Variants in TTN observed in about 807,000 individuals in gnomAD.
TTN encodes connectin.
TTN carries 1,525 observed loss-of-function variants against 3,223.0 expected under a neutral mutation model. The ratio of observed to expected loss-of-function variants is 0.47; its 90% CI spans 0.45 to 0.49. The LOEUF is 0.49. Ranked by LOEUF, TTN falls within the 20% of genes least tolerant of loss-of-function variation. The probability of loss-of-function intolerance (pLI) is 0.00; values close to 1 mark genes in which losing one functional copy is unlikely to be tolerated. For synonymous variants in TTN, 14,094 were observed against 15,161.0 expected, an observed-to-expected ratio of 0.93 and a Z score of 5.17; for missense variants, 40,786 against 43,424.0, an observed-to-expected ratio of 0.94 and a Z score of 5.40.
intron 241 of TTN, among the ~76,000 whole-genome samples, chr2:178,624,936 A>G (rs1001297501): frequency 6.6e-6 from 1 of 152,120 alleles, no homozygotes; most frequent in South Asian, 2.1e-4. Context: ...TTTAAAAACT[A>G]GGAAACATTA....
Position 178,575,960 on chromosome 2 carries a change from A to T in TTN, c.70172T>A (p.Ile23391Asn). The change falls in exon 326 of 363, where the codon ATT becomes AAT. Residue 23391 changes from isoleucine (I) to asparagine (N), a missense_variant. Ile to Asn is a moderately radical substitution (Grantham distance 149). Transcript: ENST00000589042. This position sits in a 1 kb window ranked among gnomAD's most constrained non-coding sequence, Gnocchi z 4.0. Reference sequence around the variant, plus strand: ...AAGAGTAAATGATTCCGTATTTTCAATGTTGGCTCGGTTTTTCAGGTTGAT... The same window carrying T: ...AAGAGTAAATGATTCCGTATTTTCATTGTTGGCTCGGTTTTTCAGGTTGAT... ...DNINLKNRAN[I>N]ENTESFTLLI... 6.2e-7 allele frequency: 1 copy of T among 1,611,512 alleles called. No individual in the cohort carries two copies. Among genetic ancestry groups the T allele is most frequent in the Non-Finnish European group, 8.5e-7 (1 of 1,177,900 alleles).
rs755728462 is a variant in TTN, at chr2:178,779,415, T to C, written c.3777A>G (p.Glu1259=). 3.2e-6 allele frequency: 5 copies of C among 1,577,324 alleles called. No individual in the cohort carries two copies. The Admixed American group carries it at 8.4e-5, about 26-fold the overall frequency. Residue 1259 remains glutamate, a synonymous_variant, in exon 23 of 363, where the codon GAA becomes GAG. Coordinates refer to ENST00000589042, the MANE Select transcript of TTN (RefSeq NM_001267550.2). ...CTAATGTAGTCTTTATTATTCTATATTCAATTTCTTTAATAAGTCTCTCTT... is the reference window on the plus strand; with the variant it reads ...CTAATGTAGTCTTTATTATTCTATACTCAATTTCTTTAATAAGTCTCTCTT... ...SFEERLIKEI[E]YRIIKTTLEE... is the part of the protein sequence containing the mutation.
chr2:178,648,165 C>G (rs1032079036), intron 213 of TTN, among the ~76,000 whole-genome samples: 1 of 152,110 alleles, frequency 6.6e-6, no homozygotes, highest in African/African-American at 2.4e-5. Flanking sequence ...GCTTCAAAAT[C>G]TTTGAAGCTT....
At chr2:178,606,338 G>A (rs1055853657) in intron 278 of TTN, among the ~76,000 whole-genome samples, 3 of 151,818 alleles carry the variant, frequency 2.0e-5, no homozygotes, top group Non-Finnish European at 2.9e-5. Context: ...TATATTGGAC[G>A]TTCATAGATG....
In TTN at chr2:178,546,671, G is replaced by C; in HGVS notation, c.94757C>G (p.Ala31586Gly). Residue 31586 changes from alanine (A) to glycine (G), a missense_variant, in exon 341 of 363, where the codon GCC (alanine) becomes GGC (glycine). Physicochemically the swap from Ala to Gly is moderately conservative, Grantham distance 60. Coordinates refer to ENST00000589042, the MANE Select transcript of TTN (RefSeq NM_001267550.2). ...GCTAATTACGCCTGCTGCATTCTTG[G>C]CTAACACACGGAACTCATAAGTGTC... ...EGDTYEFRVL[A>G]KNAAGVISKG... 1 of 1,613,748 alleles carries C rather than the reference G, an allele frequency of 6.2e-7. No individual in the cohort carries two copies. Among genetic ancestry groups the C allele is most frequent in the Non-Finnish European group, 8.5e-7 (1 of 1,179,736 alleles).
Position 178,614,497 on chromosome 2 carries a change from C to T in TTN, c.49017G>A (p.Arg16339=). The part of the protein sequence containing the change: ...YIIEAVNVCG[R]ATAVVEVNVL... ...CGTTCACTTCCACCACAGCAGTGGCCCGGCCACACACATTCACAGCCTCAA... is the reference window on the plus strand; with the variant it reads ...CGTTCACTTCCACCACAGCAGTGGCTCGGCCACACACATTCACAGCCTCAA... Residue 16339 remains arginine, a synonymous_variant, in exon 261 of 363, where the codon CGG becomes CGA. Transcript: ENST00000589042. The T allele has an allele frequency of 6.2e-7, 1 of 1,610,234 alleles. No individual in the cohort carries two copies.
In TTN at chr2:178,608,331, G is replaced by A. The variant is rs200974180; in HGVS notation, c.52552C>T (p.Arg17518Cys). ...KREVNSTHWSRVNKSLLNALK... is the reference protein window; with the variant it reads ...KREVNSTHWSCVNKSLLNALK... ...GCATTCAGAAGGCTTTTGTTGACAC[G>A]AGACCAATGTGTACTGTTAACTTCA... is the stretch of plus-strand genomic sequence containing the variant. The change falls in exon 275 of 363, where the codon CGT becomes TGT. Residue 17518 changes from arginine to cysteine, a missense_variant. By Grantham distance (180) the Arg-to-Cys change is radical. Coordinates refer to ENST00000589042, the MANE Select transcript of TTN (RefSeq NM_001267550.2). 5.6e-6 allele frequency: 9 copies of A among 1,612,250 alleles called. No homozygotes were observed. The highest frequency in any genetic ancestry group is 7.6e-6 in the Non-Finnish European group (9 of 1,179,152).
chr2:178,795,041 A>G lies in TTN; in HGVS notation c.1126T>C (p.Trp376Arg). Residue 376 changes from tryptophan (W) to arginine (R), a missense_variant, in exon 7 of 363, where the codon TGG becomes CGG. Trp to Arg is a moderately radical substitution (Grantham distance 101, BLOSUM62 -3). Transcript: ENST00000589042. ...TCCTGGACACCGTATCTCCCTTCCC[A>G]TCTCTCTTCTGTCCTGATCTGAGTA... ...TSTQIRTEER[W>R]EGRYGVQEQV... The G allele has an allele frequency of 1.2e-6, 2 of 1,613,244 alleles. No homozygotes were observed. The highest frequency in any genetic ancestry group is 1.7e-6 in the Non-Finnish European group (2 of 1,179,966).
Position 178,567,346 on chromosome 2 carries a change from C to G in TTN, c.78786G>C (p.Gly26262=). 6.3e-7 allele frequency: 1 copy of G among 1,598,414 alleles called. No individual in the cohort carries two copies. Among genetic ancestry groups the G allele is most frequent in the Non-Finnish European group, 8.5e-7 (1 of 1,174,328 alleles). Residue 26262 remains glycine (G), a synonymous_variant, in exon 326 of 363, where the codon GGG becomes GGC. Coordinates refer to ENST00000589042, the MANE Select transcript of TTN (RefSeq NM_001267550.2). ...CATTGGAAGCTCTTAAAATATACTG[C>G]CCACCATCAATTCTAATTGCATCTT... ...IVKDAIRIDG[G]QYILRASNVA... is the part of the protein sequence containing the mutation.
intron 6 of TTN, among the ~76,000 whole-genome samples, chr2:178,797,856 T>A (rs1027399553): frequency 2.0e-5 from 3 of 152,172 alleles, no homozygotes; most frequent in African/African-American, 7.2e-5. Context: ...CCATAAATGC[T>A]TTTGCAGATT....
At chr2:178,586,998 C>T in intron 307 of TTN, 120 bp downstream of exon 307, 3 of 1,401,538 alleles carry the variant, frequency 2.1e-6, no homozygotes, top group Non-Finnish European at 3.0e-6. Context: ...ATATTTATTA[C>T]ACTATTTCGG....
chr2:178,731,595 A>G lies in TTN; in HGVS notation c.17183-12T>C. The G allele has an allele frequency of 6.3e-7, 1 of 1,583,534 alleles. No individual in the cohort carries two copies. Reference sequence around the variant, plus strand: ...GAAGGATGGGGGTTCTAACAGAAGAATGAATTCTCAATCAATATTATCCCT... The same window carrying G: ...GAAGGATGGGGGTTCTAACAGAAGAGTGAATTCTCAATCAATATTATCCCT... On this transcript the variant is annotated splice_polypyrimidine_tract_variant and intron_variant, in intron 58 of 362. Coordinates refer to ENST00000589042, the MANE Select transcript of TTN (RefSeq NM_001267550.2).
rs780908799 is a variant in TTN at position 178,561,378 on chromosome 2, G to T, written c.84754C>A (p.Pro28252Thr). The T allele has an allele frequency of 1.2e-6, 2 of 1,613,650 alleles. No homozygotes were observed. The highest frequency in any genetic ancestry group is 2.7e-5 in the African/African-American group (2 of 74,898). Residue 28252 changes from proline (P) to threonine (T), a missense_variant, in exon 326 of 363, where the codon CCT becomes ACT. By Grantham distance (38) the Pro-to-Thr change is conservative. Coordinates refer to ENST00000589042, the MANE Select transcript of TTN (RefSeq NM_001267550.2). ...KSCEPVPARD[P>T]CDPPGQPEVT... Reference sequence around the variant, plus strand: ...TCAGGTTGTCCAGGAGGGTCACAAGGATCTCTTGCAGGGACTGGTTCACAA... The same window carrying T: ...TCAGGTTGTCCAGGAGGGTCACAAGTATCTCTTGCAGGGACTGGTTCACAA...
At chr2:178,529,914 A>T in intron 359 of TTN, 46 bp downstream of exon 359, 1 of 1,556,562 alleles carries the variant, frequency 6.4e-7, no homozygotes, top group Non-Finnish European at 8.6e-7. Context: ...TATTTCCCTA[A>T]TATTATCTTC....
intron 335 of TTN, 106 bp downstream of exon 335, chr2:178,551,524 G>C: frequency 9.9e-7 from 1 of 1,009,466 alleles, no homozygotes; most frequent in Non-Finnish European, 1.4e-6. Flanking sequence ...CTAGTGACAA[G>C]AAGATATGTA....
intron 53 of TTN, 24 bp from the exon 54 acceptor site, chr2:178,733,541 C>G: frequency 1.2e-6 from 2 of 1,602,000 alleles, no homozygotes; most frequent in Non-Finnish European, 8.5e-7. Flanking sequence ...AAATAGTTAG[C>G]ACCCTAAATG....
At chr2:178,778,760 G>T in intron 24 of TTN, 114 bp downstream of exon 24, 1 of 1,462,268 alleles carries the variant, frequency 6.8e-7, no homozygotes, top group Admixed American at 1.9e-5. Flanking sequence ...CCAATGGTAA[G>T]TTTCTGTGCC....
chr2:178,591,916 GA>G (rs1174203005), intron 302 of TTN, 24 bp from the exon 303 acceptor site: 1 of 1,604,350 alleles, frequency 6.2e-7, no homozygotes, highest in Non-Finnish European at 8.5e-7. Context: ...AAGTTATGAT[GA>G]AAAAGTAATA....
Position 178,530,595 on chromosome 2 carries a change from A to G in TTN, c.106020T>C (p.Gly35340=), listed in dbSNP as rs148865574. ...GHFQFHYSAD[G]TYELKINNLT... ...GGTTATTGATTTTGAGCTCATAGGT[A>G]CCATCTGCTGAATAATGAAACTGGA... The change falls in exon 358 of 363, where the codon GGT becomes GGC. Residue 35340 remains glycine, a synonymous_variant. Transcript: ENST00000589042. 59 of 1,614,028 alleles carry G rather than the reference A, an allele frequency of 3.7e-5. No homozygotes were observed. The East Asian group carries it at 1.3e-3, about 35-fold the overall frequency.
Sources: gnomAD v4.1 joint callset for allele counts (sites outside exome capture counted in the v4.1 genomes callset) on GRCh38, gnomAD v4.1.1 for gene constraint, Gnocchi (gnomAD v3.1) non-coding constraint, MANE v1.5 for transcripts, NCBI Gene and HGNC (gene_info 2026-07-23, HGNC 2026-07-21) for gene names.